The following KLHL4 variants were observed in gnomAD, a reference collection of about 807,000 sequenced individuals.
KLHL4 encodes kelch-like protein 4.
KLHL4 carries 17 observed loss-of-function variants against 45.8 expected under a neutral mutation model. The ratio of observed to expected loss-of-function variants is 0.37; its 90% CI spans 0.25 to 0.56. The LOEUF (loss-of-function observed/expected upper bound fraction) is 0.56, where lower values mean the gene tolerates loss of function less well. KLHL4 is among the 20% of genes least tolerant of loss of function. KLHL4 has a pLI of 0.79. For missense variants in KLHL4, 544 were observed against 544.9 expected, an observed-to-expected ratio of 1.00 and a Z score of 0.02; for synonymous variants, 224 against 189.9, an observed-to-expected ratio of 1.18 and a Z score of -1.47.
intron 1 of KLHL4, among the ~76,000 whole-genome samples, chrX:87,531,914 A>C (rs1172706698): frequency 9.9e-6 from 1 of 101,023 alleles, no homozygotes; most frequent in African/African-American, 3.6e-5. Flanking sequence ...TGCCCAAGGT[A>C]ATTTATAGAT....
intron 1 of KLHL4, among the ~76,000 whole-genome samples, chrX:87,571,371 T>C (rs1003815121): frequency 1.8e-5 from 2 of 111,199 alleles, no homozygotes; most frequent in African/African-American, 6.5e-5. Flanking sequence ...GATTAACATC[T>C]TCCTGCCACT....
intron 1 of KLHL4, among the ~76,000 whole-genome samples, chrX:87,521,283 G>A (rs1400584610): frequency 3.6e-5 from 4 of 111,869 alleles, no homozygotes; most frequent in Admixed American, 9.5e-5. Context: ...TAGAAAAAAT[G>A]AGCAGATGTT....
chrX:87,608,477 T>A (rs1922267056), intron 1 of KLHL4, among the ~76,000 whole-genome samples: 1 of 111,212 alleles, frequency 9.0e-6, no homozygotes, highest in African/African-American at 3.3e-5. Flanking sequence ...TGAAGGGCTT[T>A]TTTTTTTCCC....
At chrX:87,551,068 A>T (rs1313680213) in intron 1 of KLHL4, among the ~76,000 whole-genome samples, 1 of 109,511 alleles carries the variant, frequency 9.1e-6, no homozygotes, top group South Asian at 3.8e-4. Flanking sequence ...TCAAACTGTC[A>T]CTCTTTACTG....
At chrX:87,576,458 A>G (rs926832906) in intron 1 of KLHL4, among the ~76,000 whole-genome samples, 4 of 111,612 alleles carry the variant, frequency 3.6e-5, no homozygotes, top group Admixed American at 1.9e-4. Context: ...TACACCTTGT[A>G]TATGTCTTGA....
intron 1 of KLHL4, among the ~76,000 whole-genome samples, chrX:87,580,473 A>T (rs1357059516): frequency 9.0e-6 from 1 of 111,166 alleles, no homozygotes; most frequent in Non-Finnish European, 1.9e-5. Flanking sequence ...CCTAGAAGAG[A>T]TACACTTTGG....
At position 87,614,027 on chromosome X, in the gene KLHL4, C is replaced by A; in HGVS notation, c.573C>A (p.Leu191=). 1 of 1,201,844 alleles carries A rather than the reference C, an allele frequency of 8.3e-7. No individual in the cohort carries two copies. Among genetic ancestry groups the A allele is most frequent in the Non-Finnish European group, 1.1e-6 (1 of 890,599 alleles). ...ATGTGCTACTGATTGCAGGACACCT[C>A]CGCATCCCAGCCCATAGGTAAGTAT... The part of the protein sequence containing the change: ...LCDVLLIAGH[L]RIPAHRLVLS... The change falls in exon 2 of 11, where the codon CTC becomes CTA. Residue 191 remains leucine (L), a synonymous_variant. Transcript: ENST00000373119.
intron 1 of KLHL4, among the ~76,000 whole-genome samples, chrX:87,531,762 A>C (rs1373619815): frequency 1.0e-5 from 1 of 98,447 alleles, no homozygotes; most frequent in Non-Finnish European, 2.0e-5. Context: ...ATACCTAGGA[A>C]TCCAACTTAC....
chrX:87,648,282 G>A (rs912173633), intron 9 of KLHL4, among the ~76,000 whole-genome samples: 7 of 111,421 alleles, frequency 6.3e-5, no homozygotes, highest in African/African-American at 2.3e-4. Flanking sequence ...ATTGTGGAAT[G>A]GCATCCTCAA....
In KLHL4 at chrX:87,666,503, G is replaced by T. The variant is rs768551530; in HGVS notation, c.2126G>T (p.Gly709Val). The T allele has an allele frequency of 8.4e-7, 1 of 1,192,904 alleles. No individual in the cohort carries two copies. Among genetic ancestry groups the T allele is most frequent in the Non-Finnish European group, 1.1e-6 (1 of 881,470 alleles). ...EEVPVNIGRA[G>V]ACVVVVKLP ...GTTCCTGTTAACATTGGAAGAGCTG[G>T]TGCATGTGTTGTAGTGGTGAAGCTA... The change falls in exon 11 of 11, where the codon GGT (glycine) becomes GTT (valine). Residue 709 changes from glycine (G) to valine (V), a missense_variant. Transcript: ENST00000373119.
chrX:87,545,622 G>A (rs1204504237), intron 1 of KLHL4, among the ~76,000 whole-genome samples: 1 of 111,723 alleles, frequency 9.0e-6, no homozygotes, highest in Non-Finnish European at 1.9e-5. Flanking sequence ...GACTAATAAA[G>A]TAAATTTGTG....
At chrX:87,532,574 T>A (rs1457489739) in intron 1 of KLHL4, among the ~76,000 whole-genome samples, 3 of 103,992 alleles carry the variant, frequency 2.9e-5, no homozygotes, top group Non-Finnish European at 3.9e-5. Context: ...GAGCATGGAA[T>A]GTTCTTCCAT....
At chrX:87,551,604 T>TAGAC (rs1199393954) in intron 1 of KLHL4, among the ~76,000 whole-genome samples, 2 of 109,089 alleles carry the variant, frequency 1.8e-5, no homozygotes, top group Non-Finnish European at 3.8e-5. Flanking sequence ...GATAGATAGA[T>TAGAC]AGATAGAAAT....
At chrX:87,613,802 C>T (rs1214754832) in intron 1 of KLHL4, 75 bp from the exon 2 acceptor site, 49 of 757,126 alleles carry the variant, frequency 6.5e-5, no homozygotes, top group Non-Finnish European at 8.3e-5. Flanking sequence ...CATGTTTGTA[C>T]TCTCATTAGA....
At chrX:87,625,085 A>G (rs758895681) in intron 5 of KLHL4, among the ~76,000 whole-genome samples, 1 of 112,886 alleles carries the variant, frequency 8.9e-6, no homozygotes, top group South Asian at 3.6e-4. Context: ...AACTGCTTTC[A>G]GCAATACTTT....
intron 1 of KLHL4, among the ~76,000 whole-genome samples, chrX:87,575,792 G>T (rs892495928): frequency 4.5e-5 from 5 of 111,281 alleles, no homozygotes; most frequent in African/African-American, 1.6e-4. Context: ...AAAGAAGTGC[G>T]TACTGGGGAG....
At chrX:87,637,024 G>A (rs1418602765) in intron 9 of KLHL4, among the ~76,000 whole-genome samples, 3 of 111,444 alleles carry the variant, frequency 2.7e-5, no homozygotes, top group African/African-American at 9.8e-5. Context: ...CCACCTCCTA[G>A]CTGGAGGCCA....
intron 4 of KLHL4, among the ~76,000 whole-genome samples, chrX:87,619,748 G>A (rs1392704560): frequency 9.2e-6 from 1 of 108,124 alleles, no homozygotes; most frequent in Non-Finnish European, 1.9e-5. Context: ...AAAACGGAGT[G>A]TTGAAGCAGA....
At chrX:87,543,344 G>A (rs185912047) in intron 1 of KLHL4, among the ~76,000 whole-genome samples, 4,411 of 111,085 alleles carry the variant, frequency 0.04, 218 homozygotes, top group African/African-American at 0.14. Flanking sequence ...TCCCAAAAAA[G>A]GACACCAAGT....
Sources: allele counts gnomAD v4.1 joint callset (sites outside exome capture counted in the v4.1 genomes callset), GRCh38; gene constraint gnomAD v4.1.1; transcripts MANE v1.5; gene names NCBI Gene and HGNC (gene_info 2026-07-23, HGNC 2026-07-21).